LIPA: variants seen among roughly 807,000 people sequenced by gnomAD.
LIPA encodes the protein lipase A, lysosomal acid type.
A neutral mutation model predicts 40.6 loss-of-function variants in LIPA; 26 were observed. That is an observed-to-expected ratio of 0.64 (90% CI 0.47 to 0.89). The LOEUF (loss-of-function observed/expected upper bound fraction) is 0.89. Among genes scored for constraint, LIPA ranks in the 40% least tolerant of loss-of-function variants. The pLI is 0.00. For missense variants in LIPA, 455 were observed against 479.6 expected, an observed-to-expected ratio of 0.95 and a Z score of 0.48; for synonymous variants, 188 against 168.4, an observed-to-expected ratio of 1.12 and a Z score of -0.90.
chr10:89,402,843 G>A, intron 2 of LIPA: 1 of 1,614,158 alleles, frequency 6.2e-7, no homozygotes. Flanking sequence ...TCGCCTGGAT[G>A]GCTTTAAATT....
chr10:89,231,725 G>A lies in LIPA; in HGVS notation c.230-3327C>T, dbSNP rs546178153. The stretch of plus-strand genomic sequence containing the variant: ...ACTCCTGGCCTCAAGTGATTCTCTC[G>A]CCTTGGCCTCTCAAAGTGCGGGGAT... On this transcript the variant is annotated intron_variant, in intron 3 of 9. Coordinates refer to ENST00000336233, the MANE Select transcript of LIPA (RefSeq NM_000235.4). Among the ~76,000 whole-genome samples, 69 of 152,244 alleles carry A rather than the reference G, an allele frequency of 4.5e-4. No homozygotes were observed. The South Asian group carries it at 0.013, about 30-fold the overall frequency.
chr10:89,386,983 G>T (rs1844214915), intron 2 of LIPA, among the ~76,000 whole-genome samples: 1 of 151,900 alleles, frequency 6.6e-6, no homozygotes, highest in Non-Finnish European at 1.5e-5. Flanking sequence ...GAGAGAGAGA[G>T]AGAGTGTGTG....
At chr10:89,300,550 C>T (rs548937784) in intron 1 of LIPA, among the ~76,000 whole-genome samples, 1 of 152,196 alleles carries the variant, frequency 6.6e-6, no homozygotes, top group African/African-American at 2.4e-5. Flanking sequence ...AATTATTATA[C>T]ATCAATAAAA....
At chr10:89,304,418 T>C (rs1343211110) in intron 1 of LIPA, among the ~76,000 whole-genome samples, 2 of 152,008 alleles carry the variant, frequency 1.3e-5, no homozygotes, top group Non-Finnish European at 2.9e-5. Context: ...GAAGCAGTGG[T>C]ATAAAAAGTG....
chr10:89,214,920 G>C lies in LIPA; in HGVS notation c.1108C>G (p.Pro370Ala), dbSNP rs1037972033. The change falls in exon 10 of 10, where the codon CCG (proline) becomes GCG (alanine). Residue 370 changes from proline (P) to alanine (A), a missense_variant. Coordinates refer to ENST00000336233, the MANE Select transcript of LIPA (RefSeq NM_000235.4). ...ITNLVFHESI[P>A]EWEHLDFIWG... ...ATGAAGTCAAGATGCTCCCATTCCGGAATGCTCTCATGGAACACCAAGTTG... is the reference window on the plus strand; with the variant it reads ...ATGAAGTCAAGATGCTCCCATTCCGCAATGCTCTCATGGAACACCAAGTTG... 1.9e-5 allele frequency: 31 copies of C among 1,613,928 alleles called. No homozygotes were observed. Among genetic ancestry groups the C allele is most frequent in the Admixed American group, 1.7e-5 (1 of 60,002 alleles).
intron 2 of LIPA, chr10:89,403,532 C>G: frequency 1.2e-6 from 2 of 1,613,832 alleles, no homozygotes; most frequent in Non-Finnish European, 1.7e-6. Context: ...ATAAAAGTAT[C>G]AATTCTTTGA....
intron 2 of LIPA, among the ~76,000 whole-genome samples, chr10:89,408,721 C>T (rs939726402): frequency 2.0e-5 from 3 of 152,228 alleles, no homozygotes; most frequent in African/African-American, 7.2e-5. Flanking sequence ...CCTTCCATCT[C>T]ACTTAGAGAG....
At chr10:89,366,137 T>G (rs1844055376) in intron 2 of LIPA, among the ~76,000 whole-genome samples, 1 of 152,180 alleles carries the variant, frequency 6.6e-6, no homozygotes, top group South Asian at 2.1e-4. Context: ...TGAGCATTGG[T>G]TTGTAGTTCT....
At chr10:89,386,967 G>GTA (rs1209646464) in intron 2 of LIPA, among the ~76,000 whole-genome samples, 5 of 79,966 alleles carry the variant, frequency 6.3e-5, no homozygotes, top group African/African-American at 2.4e-4. Flanking sequence ...GTGTGTGTGT[G>GTA]TGTGTGAGAG....
intron 1 of LIPA, among the ~76,000 whole-genome samples, chr10:89,320,038 C>G (rs1460902702): frequency 6.6e-6 from 1 of 152,162 alleles, no homozygotes; most frequent in Non-Finnish European, 1.5e-5. Flanking sequence ...TAAAAACTCT[C>G]AATAAACTAG....
intron 2 of LIPA, among the ~76,000 whole-genome samples, chr10:89,395,450 A>G (rs1006164078): frequency 5.3e-5 from 8 of 152,148 alleles, no homozygotes; most frequent in African/African-American, 1.9e-4. Context: ...ATCTGTAAGT[A>G]ATAAGCTGCT....
At chr10:89,335,580 A>T (rs544017309) in intron 1 of LIPA, 1 of 151,494 alleles carries the variant, frequency 6.6e-6, no homozygotes, top group Non-Finnish European at 1.5e-5. Context: ...TAGTGTCATC[A>T]GACTTGCAAG....
chr10:89,241,296 C>T (rs1055860948), intron 3 of LIPA, among the ~76,000 whole-genome samples: 1 of 152,146 alleles, frequency 6.6e-6, no homozygotes, highest in African/African-American at 2.4e-5. Context: ...GTTCTGAATG[C>T]AATCCCCTAC....
At chr10:89,377,659 T>C (rs1340954485) in intron 2 of LIPA, among the ~76,000 whole-genome samples, 2 of 152,214 alleles carry the variant, frequency 1.3e-5, no homozygotes, top group African/African-American at 2.4e-5. Context: ...CCACTGACCC[T>C]GGTCTAAGGA....
chr10:89,374,789 T>C (rs1844110830), intron 2 of LIPA, among the ~76,000 whole-genome samples: 1 of 152,098 alleles, frequency 6.6e-6, no homozygotes, highest in Non-Finnish European at 1.5e-5. Flanking sequence ...TTCCAAAATC[T>C]CTTCTCCCCC....
chr10:89,297,545 C>G (rs966400380), intron 1 of LIPA, among the ~76,000 whole-genome samples: 3 of 152,176 alleles, frequency 2.0e-5, no homozygotes, highest in Non-Finnish European at 4.4e-5. Context: ...AGCACCCCAG[C>G]CCACAGGGAG....
intron 1 of LIPA, among the ~76,000 whole-genome samples, chr10:89,330,170 G>A (rs139472051): frequency 1.3e-5 from 2 of 152,316 alleles, no homozygotes; most frequent in Admixed American, 6.5e-5. Flanking sequence ...TGGGCTCAGA[G>A]GCCTGACAAG....
intron 2 of LIPA, chr10:89,383,352 C>T: frequency 6.2e-7 from 1 of 1,613,900 alleles, no homozygotes; most frequent in Non-Finnish European, 8.5e-7. Flanking sequence ...TTGAAGACAG[C>T]CTGATTCAGC....
Position 89,215,429 on chromosome 10 carries a change from A to G in LIPA, c.967-368T>C, listed in dbSNP as rs114495383. ...CCTACTTCTTCCCTTTGGGTGTAAG[A>G]CAAGTCACAGAAATTCTCTAAGCCT... is the stretch of plus-strand genomic sequence containing the variant. On this transcript the variant is annotated intron_variant, in intron 9 of 9. Coordinates refer to ENST00000336233, the MANE Select transcript of LIPA (RefSeq NM_000235.4). Among the ~76,000 whole-genome samples the G allele has an allele frequency of 2.8e-3, 419 of 152,340 alleles. 1 individual carries two copies. The highest frequency in any genetic ancestry group is 9.2e-3 in the African/African-American group (382 of 41,566).
Sources: allele counts gnomAD v4.1 joint callset (sites outside exome capture counted in the v4.1 genomes callset), GRCh38; gene constraint gnomAD v4.1.1; transcripts MANE v1.5; gene names NCBI Gene and HGNC (gene_info 2026-07-23, HGNC 2026-07-21).